The following SGMS1 variants were observed in gnomAD, a reference collection of about 807,000 sequenced individuals.
SGMS1 encodes phosphatidylcholine:ceramide cholinephosphotransferase 1.
Under a neutral mutation model 46.2 loss-of-function variants are expected in SGMS1, and 13 were observed. The observed-to-expected ratio is 0.28, with a 90% CI of 0.18 to 0.45. The LOEUF is 0.45. Among genes scored for constraint, SGMS1 ranks in the 20% least tolerant of loss-of-function variants. SGMS1 has a pLI of 1.00. For synonymous variants in SGMS1, 203 were observed against 187.8 expected (o/e 1.08, Z -0.66); for missense variants, 324 against 519.9 (o/e 0.62, Z 3.66).
intron 2 of SGMS1, among the ~76,000 whole-genome samples, chr10:50,546,430 T>C (rs1440519208): frequency 1.3e-5 from 2 of 152,220 alleles, no homozygotes; most frequent in African/African-American, 4.8e-5. Context: ...CATGTATGTT[T>C]ATTGTGACAC....
intron 1 of SGMS1, among the ~76,000 whole-genome samples, chr10:50,600,304 C>T (rs1020633511): frequency 2.6e-5 from 4 of 152,166 alleles, no homozygotes; most frequent in Admixed American, 2.6e-4. Flanking sequence ...TCTGGTTATA[C>T]CACTATCAAT....
At chr10:50,594,095 A>G (rs1298040593) in intron 1 of SGMS1, among the ~76,000 whole-genome samples, 4 of 152,246 alleles carry the variant, frequency 2.6e-5, no homozygotes, top group Non-Finnish European at 5.9e-5. Context: ...AATAAGAGGC[A>G]TGCTTGTTTT....
intron 2 of SGMS1, among the ~76,000 whole-genome samples, chr10:50,533,423 A>G (rs572604673): frequency 6.6e-5 from 10 of 152,292 alleles, no homozygotes; most frequent in African/African-American, 2.4e-4. Context: ...CAGCACAGTG[A>G]ATCAAAAGCA....
At chr10:50,393,629 G>C (rs1848806797) in intron 6 of SGMS1, among the ~76,000 whole-genome samples, 1 of 152,164 alleles carries the variant, frequency 6.6e-6, no homozygotes, top group African/African-American at 2.4e-5. Flanking sequence ...TAAAGGCACT[G>C]ATCTGTCACC....
chr10:50,311,669 T>C (rs1170084582), intron 8 of SGMS1, among the ~76,000 whole-genome samples: 1 of 152,218 alleles, frequency 6.6e-6, no homozygotes, highest in African/African-American at 2.4e-5. Context: ...TGTCAGTAGA[T>C]GTTTCCCCAG....
intron 1 of SGMS1, among the ~76,000 whole-genome samples, chr10:50,602,460 C>G (rs1420693952): frequency 1.3e-5 from 2 of 152,130 alleles, no homozygotes; most frequent in Non-Finnish European, 2.9e-5. Flanking sequence ...TGATACTTCT[C>G]CCTGTTCAAT....
intron 2 of SGMS1, among the ~76,000 whole-genome samples, chr10:50,534,539 T>G (rs1200802508): frequency 6.6e-6 from 1 of 152,222 alleles, no homozygotes; most frequent in African/African-American, 2.4e-5. Context: ...CAGTTCCAGT[T>G]TGAATCTATC....
At chr10:50,562,364 G>GCGCGCA (rs141647886) in intron 2 of SGMS1, among the ~76,000 whole-genome samples, 4 of 146,926 alleles carry the variant, frequency 2.7e-5, no homozygotes, top group Admixed American at 6.8e-5. Flanking sequence ...GTGCGCGCGC[G>GCGCGCA]CACACACACA....
At chr10:50,590,425 T>C (rs1044047646) in intron 1 of SGMS1, among the ~76,000 whole-genome samples, 178 bp from the exon 2 acceptor site, 7 of 152,152 alleles carry the variant, frequency 4.6e-5, no homozygotes, top group Admixed American at 4.6e-4. Context: ...ATATTGAATG[T>C]AGGGAACAAC....
intron 2 of SGMS1, among the ~76,000 whole-genome samples, chr10:50,550,746 G>C (rs1838141761): frequency 1.3e-5 from 2 of 152,258 alleles, no homozygotes; most frequent in Non-Finnish European, 2.9e-5. Flanking sequence ...GCTGATTCTA[G>C]GTCTGGGGCA....
intron 6 of SGMS1, among the ~76,000 whole-genome samples, chr10:50,355,256 T>C (rs916838873): frequency 2.6e-5 from 4 of 152,220 alleles, no homozygotes; most frequent in African/African-American, 9.6e-5. Flanking sequence ...TGGAATACTA[T>C]GCAACCATAA....
chr10:50,409,453 C>T (rs1457588546), intron 6 of SGMS1, among the ~76,000 whole-genome samples: 1 of 152,202 alleles, frequency 6.6e-6, no homozygotes, highest in Non-Finnish European at 1.5e-5. Flanking sequence ...AAGGATTCCT[C>T]TACAGTCTTC....
intron 1 of SGMS1, among the ~76,000 whole-genome samples, chr10:50,605,781 C>G (rs11006281): frequency 0.63 from 96,246 of 152,054 alleles, 30,752 homozygotes; most frequent in South Asian, 0.75. Context: ...TGGGGTACAT[C>G]TGCAATTTTG....
chr10:50,513,275 T>C (rs1483392489), intron 3 of SGMS1, among the ~76,000 whole-genome samples: 1 of 152,190 alleles, frequency 6.6e-6, no homozygotes, highest in African/African-American at 2.4e-5. Flanking sequence ...TGGTTTTCAA[T>C]GGTCCCTGGG....
intron 1 of SGMS1, among the ~76,000 whole-genome samples, chr10:50,599,646 C>T (rs975131015): frequency 6.6e-5 from 10 of 152,090 alleles, no homozygotes; most frequent in South Asian, 2.1e-4. Context: ...GGGCAGATCA[C>T]GAGGTCAAGA....
At chr10:50,446,578 C>T (rs180919954) in intron 5 of SGMS1, among the ~76,000 whole-genome samples, 61 of 152,270 alleles carry the variant, frequency 4.0e-4, no homozygotes, top group African/African-American at 1.4e-3. Context: ...GAATACTACT[C>T]AATAGCATGA....
chr10:50,609,430 T>G (rs903329532), intron 1 of SGMS1, among the ~76,000 whole-genome samples: 1 of 151,914 alleles, frequency 6.6e-6, no homozygotes, highest in Non-Finnish European at 1.5e-5. Flanking sequence ...TAAGACCTGT[T>G]GAGGACATAT....
At chr10:50,612,557 A>G (rs778151599) in intron 1 of SGMS1, among the ~76,000 whole-genome samples, 7 of 152,264 alleles carry the variant, frequency 4.6e-5, no homozygotes, top group Non-Finnish European at 1.0e-4. Context: ...TTTCACACTT[A>G]GCCAAAAATT....
chr10:50,491,773 A>G (rs1431982427), intron 3 of SGMS1, among the ~76,000 whole-genome samples: 1 of 152,190 alleles, frequency 6.6e-6, no homozygotes, highest in Non-Finnish European at 1.5e-5. Flanking sequence ...TGTTAAAACT[A>G]TTCCCCAAAA....
Sources: gnomAD v4.1 joint callset for allele counts (sites outside exome capture counted in the v4.1 genomes callset) on GRCh38, gnomAD v4.1.1 for gene constraint, MANE v1.5 for transcripts, NCBI Gene and HGNC (gene_info 2026-07-23, HGNC 2026-07-21) for gene names.